Variants in FLNB observed in about 807,000 individuals in gnomAD.
FLNB encodes filamin B.
Under a neutral mutation model 250.6 loss-of-function variants are expected in FLNB, and 111 were observed. The ratio of observed to expected loss-of-function variants is 0.44; its 90% confidence interval spans 0.38 to 0.52. FLNB has a LOEUF of 0.52. Ranked by LOEUF, FLNB falls within the 20% of genes least tolerant of loss-of-function variation. The pLI, the probability that FLNB is intolerant of heterozygous loss-of-function variation, is 0.00. For synonymous variants in FLNB, 1,302 were observed against 1,372.1 expected, an observed-to-expected ratio of 0.95 and a Z score of 1.13; for missense variants, 2,869 against 3,447.8, an observed-to-expected ratio of 0.83 and a Z score of 4.20.
chr3:58,094,337 G>A (rs1422303480), intron 4 of FLNB, among the ~76,000 whole-genome samples: 1 of 152,144 alleles, frequency 6.6e-6, no homozygotes, highest in African/African-American at 2.4e-5. Flanking sequence ...CAAAGTGCTG[G>A]GATTACAGGC....
chr3:58,057,568 A>G (rs1041507418), intron 1 of FLNB, among the ~76,000 whole-genome samples: 7 of 152,190 alleles, frequency 4.6e-5, no homozygotes, highest in Admixed American at 4.6e-4. Context: ...GGGCTAGGGA[A>G]CAACTTAGAG....
chr3:58,038,266 T>A (rs1471125469), intron 1 of FLNB, among the ~76,000 whole-genome samples: 1 of 152,120 alleles, frequency 6.6e-6, no homozygotes, highest in Non-Finnish European at 1.5e-5. Flanking sequence ...TGACCTCAGG[T>A]GATCCACCTG....
chr3:58,072,961 G>T (rs1302055218), intron 1 of FLNB, among the ~76,000 whole-genome samples: 2 of 152,130 alleles, frequency 1.3e-5, no homozygotes, highest in Non-Finnish European at 2.9e-5. Context: ...TTTCATGTTA[G>T]GTTTGTGAAT....
chr3:58,156,134 C>G lies in FLNB; in HGVS notation c.6888+59C>G, dbSNP rs374829077. On this transcript the variant is annotated intron_variant, in intron 41 of 45. Transcript: ENST00000295956. ...GCAGGCCACCAGTGAGACCCCTGGA[C>G]TCCTGAGGCTGCTTCAATGTCCCCT... 27 of 1,290,104 alleles carry G rather than the reference C, an allele frequency of 2.1e-5. No homozygotes were observed. In the African/African-American group the frequency reaches 2.9e-4, roughly 14 times the overall value. 79.9% of individuals were successfully genotyped at this position (1,290,104 alleles called of 1,614,324 possible).
chr3:58,014,207 G>C (rs186642398), intron 1 of FLNB, among the ~76,000 whole-genome samples: 1 of 152,180 alleles, frequency 6.6e-6, no homozygotes, highest in African/African-American at 2.4e-5. Context: ...TGAAATCAGC[G>C]CGCTCTGGGG....
chr3:58,121,992 A>G (rs1338831629), intron 20 of FLNB, among the ~76,000 whole-genome samples: 1 of 151,620 alleles, frequency 6.6e-6, no homozygotes, highest in African/African-American at 2.4e-5. Flanking sequence ...CCACGGTGAA[A>G]CCCCGTCTCC....
rs1343038169 is a variant in FLNB, at chr3:58,102,222, C to T, written c.1365C>T (p.Cys455=). Residue 455 remains cysteine, a synonymous_variant, in exon 9 of 46, where the codon TGC becomes TGT. Coordinates refer to ENST00000295956, the MANE Select transcript of FLNB (RefSeq NM_001457.4). ...TTGCAGCCTGCAATCCAAATGCCTG[C>T]CGGGCCAGTGGCCGAGGCCTACAAC... The part of the protein sequence containing the change: ...QVGEACNPNA[C]RASGRGLQPK... The T allele has an allele frequency of 1.2e-6, 2 of 1,614,190 alleles. No homozygotes were observed. The highest frequency in any genetic ancestry group is 8.5e-7 in the Non-Finnish European group (1 of 1,180,008).
chr3:58,078,404 C>T, intron 2 of FLNB: 1 of 1,533,102 alleles, frequency 6.5e-7, no homozygotes, highest in Non-Finnish European at 8.7e-7. Flanking sequence ...AAAATCCCTC[C>T]TGCATAAAGG....
intron 1 of FLNB, among the ~76,000 whole-genome samples, chr3:58,043,146 T>G (rs11130611): frequency 0.25 from 36,149 of 142,132 alleles, 5,155 homozygotes; most frequent in Middle Eastern, 0.43. Context: ...CATTCCTTTT[T>G]TTTTTTTTTT....
chr3:58,153,464 C>A lies in FLNB; in HGVS notation c.6457C>A (p.His2153Asn). The A allele has an allele frequency of 6.2e-7, 1 of 1,614,278 alleles. No homozygotes were observed. Among genetic ancestry groups the A allele is most frequent in the Non-Finnish European group, 8.5e-7 (1 of 1,180,056 alleles). ...GATTGTGCCCATGGGGAAGAACTCA[C>A]ACTGCGTCCGGTTTGTGCCCCAGGA... is the stretch of plus-strand genomic sequence containing the variant. ...AEIVPMGKNS[H>N]CVRFVPQEMG... The change falls in exon 39 of 46, where the codon CAC becomes AAC. Residue 2153 changes from histidine (H) to asparagine (N), a missense_variant. By Grantham distance (68) the His-to-Asn change is moderately conservative. Transcript: ENST00000295956.
At chr3:58,041,241 A>T (rs552628272) in intron 1 of FLNB, among the ~76,000 whole-genome samples, 1 of 152,220 alleles carries the variant, frequency 6.6e-6, no homozygotes, top group African/African-American at 2.4e-5. Flanking sequence ...GTATCACTTT[A>T]TGATATTACA....
chr3:58,066,489 G>T lies in FLNB; in HGVS notation c.293-10557G>T, dbSNP rs560861446. Among the ~76,000 whole-genome samples, 20 of 152,242 alleles carry T rather than the reference G, an allele frequency of 1.3e-4. No individual in the cohort carries two copies. The East Asian group carries it at 3.9e-3, about 29-fold the overall frequency. The stretch of plus-strand genomic sequence containing the variant: ...CTGCCTTGGCCTCCCAAAATGCTGG[G>T]ATTACAGGCATAAGCCATCAAGCCC... On this transcript the variant is annotated intron_variant, in intron 1 of 45. Transcript: ENST00000295956.
chr3:58,038,943 T>C (rs1165702420), intron 1 of FLNB, among the ~76,000 whole-genome samples: 1 of 151,964 alleles, frequency 6.6e-6, no homozygotes, highest in Non-Finnish European at 1.5e-5. Flanking sequence ...AAGCAACAAT[T>C]GGGCTGGGCA....
intron 20 of FLNB, among the ~76,000 whole-genome samples, 179 bp downstream of exon 20, chr3:58,121,682 C>G (rs1201198162): frequency 1.3e-5 from 2 of 152,194 alleles, no homozygotes; most frequent in African/African-American, 4.8e-5. Context: ...TCCTCTTGCT[C>G]TCTGACTACA....
At chr3:58,101,159 C>T (rs1017330421) in intron 8 of FLNB, among the ~76,000 whole-genome samples, 6 of 152,160 alleles carry the variant, frequency 3.9e-5, no homozygotes, top group African/African-American at 1.4e-4. Flanking sequence ...GTGTATGACT[C>T]TTTGGGAAGC....
chr3:58,052,241 G>A (rs1166216529), intron 1 of FLNB, among the ~76,000 whole-genome samples: 1 of 152,126 alleles, frequency 6.6e-6, no homozygotes, highest in African/African-American at 2.4e-5. Context: ...TGATTGTAGT[G>A]GGGCATTTTA....
intron 1 of FLNB, among the ~76,000 whole-genome samples, chr3:58,023,111 C>CTTTTT (rs61047967): frequency 1.0e-5 from 1 of 97,408 alleles, no homozygotes; most frequent in South Asian, 3.7e-4. Flanking sequence ...CGAACTCGGC[C>CTTTTT]TTTTTTTTTT....
chr3:58,166,645 AC>A (rs2097371053), intron 43 of FLNB, among the ~76,000 whole-genome samples: 1 of 151,824 alleles, frequency 6.6e-6, no homozygotes, highest in Non-Finnish European at 1.5e-5. Flanking sequence ...ACACAGCAAA[AC>A]CCCATCTCTA....
At chr3:58,045,994 G>C (rs1032881464) in intron 1 of FLNB, among the ~76,000 whole-genome samples, 1 of 89,794 alleles carries the variant, frequency 1.1e-5, no homozygotes, top group African/African-American at 4.7e-5. Context: ...GCGAGACTCC[G>C]TCTCCAAAAA....
Sources: allele counts gnomAD v4.1 joint callset (sites outside exome capture counted in the v4.1 genomes callset), GRCh38; gene constraint gnomAD v4.1.1; transcripts MANE v1.5; gene names NCBI Gene and HGNC (gene_info 2026-07-23, HGNC 2026-07-21).